MACROD2: variants seen among roughly 807,000 people sequenced by gnomAD.
MACROD2 encodes the protein ADP-ribose glycohydrolase MACROD2.
In MACROD2, 36 loss-of-function variants were observed where a neutral mutation model predicts 70.4. The observed-to-expected ratio is 0.51, with a 90% CI of 0.39 to 0.68. The LOEUF is 0.68. MACROD2 is among the 30% of genes least tolerant of loss of function. The probability of loss-of-function intolerance (pLI) is 0.00; values close to 1 mark genes in which losing one functional copy is unlikely to be tolerated. For missense variants in MACROD2, 496 were observed against 538.4 expected, an observed-to-expected ratio of 0.92 and a Z score of 0.78; for synonymous variants, 172 against 178.8, an observed-to-expected ratio of 0.96 and a Z score of 0.30.
intron 3 of MACROD2, among the ~76,000 whole-genome samples, chr20:14,271,382 A>G (rs1228373975): frequency 6.6e-5 from 10 of 152,234 alleles, no homozygotes; most frequent in Non-Finnish European, 1.3e-4. Flanking sequence ...CCAGACAAAC[A>G]GGGTCTGGAG....
At chr20:16,002,746 G>A (rs1326694464) in intron 15 of MACROD2, among the ~76,000 whole-genome samples, 2 of 152,148 alleles carry the variant, frequency 1.3e-5, no homozygotes, top group African/African-American at 4.8e-5. Flanking sequence ...AGAACTGTAA[G>A]AAAATCAGTT....
intron 2 of MACROD2, among the ~76,000 whole-genome samples, chr20:14,062,243 C>T (rs926166693): frequency 6.6e-6 from 1 of 152,106 alleles, no homozygotes; most frequent in Non-Finnish European, 1.5e-5. Flanking sequence ...CTTCAGTCTT[C>T]TTTTACTTTC....
chr20:14,127,818 G>T, intron 3 of MACROD2: 1 of 458,926 alleles, frequency 2.2e-6, no homozygotes, highest in Admixed American at 2.5e-5. Flanking sequence ...AGGAGAGAAG[G>T]AGAAAAAACA....
chr20:14,371,058 CT>C (rs2083317763), intron 3 of MACROD2, among the ~76,000 whole-genome samples: 1 of 152,122 alleles, frequency 6.6e-6, no homozygotes, highest in Non-Finnish European at 1.5e-5. Flanking sequence ...AATACCAAAA[CT>C]CTTTTTTCCC....
rs180885390 is a variant in MACROD2, at chr20:15,072,204, A to G, written c.419-157736A>G. 4.6e-5 allele frequency among the ~76,000 whole-genome samples: 7 copies of G among 152,316 alleles called. No individual in the cohort carries two copies. In the East Asian group the frequency reaches 1.3e-3, roughly 29 times the overall value. On this transcript the variant is annotated intron_variant, in intron 5 of 17. Coordinates refer to ENST00000684519, the MANE Select transcript of MACROD2 (RefSeq NM_001351661.2). ...ACTAAGTATACTCAATTTATCTACA[A>G]TGATTCCTTTGTTGACAAATAGTTA... is the stretch of plus-strand genomic sequence containing the variant.
At chr20:14,046,720 T>C (rs2053481721) in intron 2 of MACROD2, among the ~76,000 whole-genome samples, 1 of 59,834 alleles carries the variant, frequency 1.7e-5, no homozygotes, top group Non-Finnish European at 4.5e-5. Flanking sequence ...TTCTCTTTTA[T>C]TTATTTATTT....
chr20:14,801,753 T>C (rs1472140311), intron 5 of MACROD2, among the ~76,000 whole-genome samples: 2 of 152,040 alleles, frequency 1.3e-5, no homozygotes, highest in Non-Finnish European at 2.9e-5. Flanking sequence ...TGATCTCTAA[T>C]AGCCATTCCA....
At position 14,988,552 on chromosome 20, in the gene MACROD2, G is replaced by A. The variant is rs1011819378; in HGVS notation, c.419-241388G>A. Among the ~76,000 whole-genome samples the A allele has an allele frequency of 3.9e-5, 6 of 152,062 alleles. No homozygotes were observed. In the East Asian group the frequency reaches 1.2e-3, roughly 29 times the overall value. On this transcript the variant is annotated intron_variant, in intron 5 of 17. Transcript: ENST00000684519. ...AGGGTTTCTTCAGAAACTCCTGGAG[G>A]AATCTATGTTTTTAAGTGACATTGA...
chr20:15,377,696 G>T (rs906257399), intron 6 of MACROD2, among the ~76,000 whole-genome samples: 16 of 152,238 alleles, frequency 1.1e-4, no homozygotes, highest in African/African-American at 3.9e-4. Context: ...GAAACTTAGA[G>T]AATAAGACAA....
intron 3 of MACROD2, among the ~76,000 whole-genome samples, chr20:14,173,667 G>T (rs1485710905): frequency 6.6e-6 from 1 of 152,068 alleles, no homozygotes; most frequent in Non-Finnish European, 1.5e-5. Flanking sequence ...GAGCTAGTGT[G>T]GTCTTTTGGG....
At chr20:14,940,179 A>G (rs1349468372) in intron 5 of MACROD2, among the ~76,000 whole-genome samples, 1 of 146,672 alleles carries the variant, frequency 6.8e-6, no homozygotes, top group African/African-American at 2.5e-5. Flanking sequence ...AAAAAAAATT[A>G]AAAAGTTAGC....
At chr20:15,915,362 A>G (rs142585678) in intron 10 of MACROD2, among the ~76,000 whole-genome samples, 140 of 152,262 alleles carry the variant, frequency 9.2e-4, no homozygotes, top group African/African-American at 3.3e-3. Context: ...ATGAAACAAA[A>G]GATGCTCTTA....
At chr20:14,699,842 CTTTTTAAATCT>C (rs1263203096) in intron 5 of MACROD2, among the ~76,000 whole-genome samples, 4,866 of 129,716 alleles carry the variant, frequency 0.038, 269 homozygotes, top group Non-Finnish European at 0.048. Flanking sequence ...AAAGTTTAAA[CTTTTTAAATCT>C]AGAAGTTTAA....
chr20:14,146,900 G>A (rs1241491894), intron 3 of MACROD2, among the ~76,000 whole-genome samples: 1 of 152,164 alleles, frequency 6.6e-6, no homozygotes, highest in African/African-American at 2.4e-5. Context: ...CACTTGGAGA[G>A]CTAATAGAGA....
intron 2 of MACROD2, among the ~76,000 whole-genome samples, chr20:14,004,794 CTAAG>C (rs1401860553): frequency 2.0e-5 from 3 of 151,976 alleles, no homozygotes; most frequent in African/African-American, 7.2e-5. Flanking sequence ...GGATTTTAAA[CTAAG>C]TATTAAAAGA....
chr20:15,175,897 A>G (rs1169386094), intron 5 of MACROD2, among the ~76,000 whole-genome samples: 1 of 152,158 alleles, frequency 6.6e-6, no homozygotes, highest in Admixed American at 6.5e-5. Context: ...TCCTGGGTGC[A>G]ACAGCAGCTG....
intron 7 of MACROD2, among the ~76,000 whole-genome samples, chr20:15,470,346 G>A (rs1276437178): frequency 6.6e-6 from 1 of 152,170 alleles, no homozygotes; most frequent in Admixed American, 6.5e-5. Flanking sequence ...ACTGCGCCCA[G>A]CCCTTTCTGT....
At chr20:14,085,106 T>G (rs1196313141) in intron 2 of MACROD2, among the ~76,000 whole-genome samples, 4 of 150,572 alleles carry the variant, frequency 2.7e-5, no homozygotes, top group South Asian at 2.1e-4. Context: ...GGGGTTGCAG[T>G]GAGCCGAGAT....
chr20:15,885,954 T>C (rs2064817145), intron 10 of MACROD2, 143 bp downstream of exon 10: 2 of 975,982 alleles, frequency 2.0e-6, no homozygotes, highest in African/African-American at 1.7e-5. Context: ...TAAAAAGTAG[T>C]TGTTCTAACA....
Sources: allele counts gnomAD v4.1 joint callset (sites outside exome capture counted in the v4.1 genomes callset), GRCh38; gene constraint gnomAD v4.1.1; transcripts MANE v1.5; gene names NCBI Gene and HGNC (gene_info 2026-07-23, HGNC 2026-07-21).